Variants in MAP3K3 observed in about 807,000 individuals in gnomAD.
The protein encoded by MAP3K3 is mitogen-activated protein kinase kinase kinase 3.
A neutral mutation model predicts 80.9 loss-of-function variants in MAP3K3; 12 were observed. The ratio of observed to expected loss-of-function variants is 0.15; its 90% CI spans 0.10 to 0.24. The LOEUF (loss-of-function observed/expected upper bound fraction) is 0.24. Among genes scored for constraint, MAP3K3 ranks in the 10% least tolerant of loss-of-function variants. MAP3K3 has a pLI of 1.00. For missense variants in MAP3K3, 596 were observed against 834.7 expected, an observed-to-expected ratio of 0.71 and a Z score of 3.52; for synonymous variants, 272 against 307.1, an observed-to-expected ratio of 0.89 and a Z score of 1.19.
intron 5 of MAP3K3, among the ~76,000 whole-genome samples, chr17:63,659,506 A>G (rs1452672308): frequency 9.8e-6 from 1 of 102,198 alleles, no homozygotes; most frequent in Admixed American, 9.3e-5. Context: ...TGTTCTTTTG[A>G]TTTCAAATCT....
chr17:63,661,477 T>C (rs144558191), intron 5 of MAP3K3, among the ~76,000 whole-genome samples: 22 of 152,364 alleles, frequency 1.4e-4, no homozygotes, highest in Non-Finnish European at 2.9e-4. Flanking sequence ...AGCTTATGCA[T>C]CTAACTTTTA....
rs1257631530 is a variant in MAP3K3, at chr17:63,632,885, T to C, written c.126+83T>C. On this transcript the variant is annotated intron_variant, in intron 2 of 15. Transcript: ENST00000361733. ...GAAATATACGAAAAGCCAAGGAGACTACATTACCAGGGTTGAATGCTTTTG... is the reference window on the plus strand; with the variant it reads ...GAAATATACGAAAAGCCAAGGAGACCACATTACCAGGGTTGAATGCTTTTG... The C allele has an allele frequency of 1.9e-6, 3 of 1,562,814 alleles. No homozygotes were observed. In the African/African-American group the frequency reaches 4.1e-5, roughly 21 times the overall value.
Position 63,691,650 on chromosome 17 carries a change from C to T in MAP3K3, c.1345-83C>T. 4.5e-6 allele frequency: 7 copies of T among 1,542,212 alleles called. No individual in the cohort carries two copies. Among genetic ancestry groups the T allele is most frequent in the Non-Finnish European group, 6.2e-6 (7 of 1,137,592 alleles). On this transcript the variant is annotated intron_variant, in intron 13 of 15. Coordinates refer to ENST00000361733, the MANE Select transcript of MAP3K3 (RefSeq NM_002401.5). The surrounding 1 kb of genome is among the most constrained non-coding windows in gnomAD (Gnocchi z 4.8). ...AGGAATTGAACAAATCACTCCTTTG[C>T]TGCCATGCTGGGGGCTGGAATGGGC... is the stretch of plus-strand genomic sequence containing the variant.
At chr17:63,628,840 A>C (rs2034159503) in intron 1 of MAP3K3, among the ~76,000 whole-genome samples, 1 of 152,226 alleles carries the variant, frequency 6.6e-6, no homozygotes, top group Non-Finnish European at 1.5e-5. Flanking sequence ...ATTAGGGTAG[A>C]TTAAATGGCC....
Position 63,644,460 on chromosome 17 carries a change from C to T in MAP3K3, c.127-1574C>T, listed in dbSNP as rs1023751878. The stretch of plus-strand genomic sequence containing the variant: ...CAAACTCCTGACCTCCAGTGATCTG[C>T]CCGCCTCGGCCTCCCAAGGGGCTGG... On this transcript the variant is annotated intron_variant, in intron 2 of 15. Transcript: ENST00000361733. Among the ~76,000 whole-genome samples, 4 of 152,206 alleles carry T rather than the reference C, an allele frequency of 2.6e-5. No homozygotes were observed. In the East Asian group the frequency reaches 7.7e-4, roughly 29 times the overall value.
At chr17:63,639,015 C>A (rs1880328123) in intron 2 of MAP3K3, among the ~76,000 whole-genome samples, 2 of 151,842 alleles carry the variant, frequency 1.3e-5, no homozygotes, top group African/African-American at 4.8e-5. Context: ...AGCAAGACTC[C>A]ATCTCAGAAA....
intron 3 of MAP3K3, among the ~76,000 whole-genome samples, chr17:63,648,402 G>A (rs565051475): frequency 6.6e-6 from 1 of 152,280 alleles, no homozygotes; most frequent in South Asian, 2.1e-4. Flanking sequence ...GGTATGATTT[G>A]CTATTAGGCA....
Position 63,652,456 on chromosome 17 carries a change from C to A in MAP3K3, c.168-101C>A, listed in dbSNP as rs1258298726. 3.9e-6 allele frequency: 3 copies of A among 766,502 alleles called. No individual in the cohort carries two copies. In the East Asian group the frequency reaches 8.1e-5, roughly 21 times the overall value. The allele number at this position is 766,502 out of a possible 1,614,324, so 47.5% of individuals were successfully genotyped here. A position where few individuals can be genotyped will look rare whatever the true frequency, so the allele number is the denominator to read the frequency against. On this transcript the variant is annotated intron_variant, in intron 3 of 15. Transcript: ENST00000361733. ...CAAATTGAGTGAAAGAAAACAGAATCCTATGTTGAGAAGAAAGGAAGAATA... is the reference window on the plus strand; with the variant it reads ...CAAATTGAGTGAAAGAAAACAGAATACTATGTTGAGAAGAAAGGAAGAATA...
intron 1 of MAP3K3, 88 bp from the exon 2 acceptor site, chr17:63,632,593 C>T (rs2034239256): frequency 6.8e-7 from 1 of 1,478,278 alleles, no homozygotes; most frequent in South Asian, 1.2e-5. Flanking sequence ...CTGGGCAGAA[C>T]TCCCTGAGTA....
At chr17:63,681,558 C>T (rs1192695522) in intron 6 of MAP3K3, among the ~76,000 whole-genome samples, 2 of 152,096 alleles carry the variant, frequency 1.3e-5, no homozygotes, top group African/African-American at 2.4e-5. Context: ...TCGGATATGC[C>T]GTAGTGCCTG....
At chr17:63,629,095 C>T (rs1231250929) in intron 1 of MAP3K3, among the ~76,000 whole-genome samples, 4 of 152,020 alleles carry the variant, frequency 2.6e-5, no homozygotes, top group South Asian at 2.1e-4. Flanking sequence ...GTTCATATTC[C>T]TAACTGCTTC....
chr17:63,664,300 C>T (rs2034958723), intron 5 of MAP3K3, among the ~76,000 whole-genome samples: 1 of 149,804 alleles, frequency 6.7e-6, no homozygotes, highest in South Asian at 2.1e-4. Context: ...GATGGTAAAG[C>T]TGTAAATTTA....
chr17:63,625,080 G>T (rs2034072530), intron 1 of MAP3K3, among the ~76,000 whole-genome samples: 1 of 152,170 alleles, frequency 6.6e-6, no homozygotes, highest in Non-Finnish European at 1.5e-5. Flanking sequence ...TTAAACTCCA[G>T]CCTCATGAAG....
rs373725130 is a variant in MAP3K3, at chr17:63,656,816, A to C, written c.268-978A>C. 1.3e-4 allele frequency among the ~76,000 whole-genome samples: 20 copies of C among 152,266 alleles called. No homozygotes were observed. In the East Asian group the frequency reaches 3.9e-3, roughly 29 times the overall value. ...TAGTCTGTTCTCACGCTGCTGTAAA[A>C]AACTGCCCAAGACTGGGTAATTTAT... On this transcript the variant is annotated intron_variant, in intron 4 of 15. Transcript: ENST00000361733.
At chr17:63,650,096 G>A (rs374290897) in intron 3 of MAP3K3, among the ~76,000 whole-genome samples, 27 of 152,314 alleles carry the variant, frequency 1.8e-4, no homozygotes, top group African/African-American at 6.5e-4. Flanking sequence ...GGTGTACTAA[G>A]AGATGAAGGT....
intron 2 of MAP3K3, chr17:63,637,192 CAAAAAAA>C (rs796796374): frequency 0.026 from 2,003 of 77,916 alleles, 48 homozygotes; most frequent in African/African-American, 0.092. Flanking sequence ...TGAGACCAAC[CAAAAAAA>C]AAAAAAAAAA....
At chr17:63,660,710 A>C (rs1251633095) in intron 5 of MAP3K3, among the ~76,000 whole-genome samples, 1 of 151,980 alleles carries the variant, frequency 6.6e-6, no homozygotes, top group Admixed American at 6.6e-5. Flanking sequence ...CTCCTGCCTC[A>C]GCCTCCCCAG....
At chr17:63,655,741 G>A (rs556659653) in intron 4 of MAP3K3, among the ~76,000 whole-genome samples, 20 of 152,048 alleles carry the variant, frequency 1.3e-4, no homozygotes, top group Admixed American at 6.5e-5. Context: ...TGAGCCTCCC[G>A]CCACAGCCTC....
At chr17:63,670,358 G>A (rs1304482802) in intron 6 of MAP3K3, among the ~76,000 whole-genome samples, 6 of 151,988 alleles carry the variant, frequency 3.9e-5, no homozygotes, top group Admixed American at 3.9e-4. Flanking sequence ...CGAGGTGAGT[G>A]GATTGCTTGA....
Sources: gnomAD v4.1 joint callset for allele counts (sites outside exome capture counted in the v4.1 genomes callset) on GRCh38, gnomAD v4.1.1 for gene constraint, Gnocchi (gnomAD v3.1) non-coding constraint, MANE v1.5 for transcripts, NCBI Gene and HGNC (gene_info 2026-07-23, HGNC 2026-07-21) for gene names.